GMCL1: variants seen among roughly 807,000 people sequenced by gnomAD.
The protein encoded by GMCL1 is germ cell-less protein-like 1.
Under a neutral mutation model 75.5 loss-of-function variants are expected in GMCL1, and 54 were observed. The ratio of observed to expected loss-of-function variants is 0.71; its 90% CI spans 0.57 to 0.90. The LOEUF (loss-of-function observed/expected upper bound fraction) is 0.90. GMCL1 is among the 40% of genes least tolerant of loss of function. GMCL1 has a pLI of 0.00. For synonymous variants in GMCL1, 210 were observed against 209.6 expected (o/e 1.00, Z -0.02); for missense variants, 537 against 622.7 (o/e 0.86, Z 1.47).
intron 11 of GMCL1, among the ~76,000 whole-genome samples, chr2:69,866,078 G>A (rs373318924): frequency 1.7e-4 from 26 of 152,176 alleles, no homozygotes; most frequent in African/African-American, 5.8e-4. Flanking sequence ...GTGAAACCCT[G>A]TCTCTACTAA....
rs1487240343 is a variant in GMCL1 at position 69,879,673 on chromosome 2, G to A, written c.*669G>A. Reference sequence around the variant, plus strand: ...ATTTTTTTTAATTTGACTTTCCTAGGAGTTTAAGAACAGTGAAAGTTAGCT... The same window carrying A: ...ATTTTTTTTAATTTGACTTTCCTAGAAGTTTAAGAACAGTGAAAGTTAGCT... On this transcript the variant is annotated 3_prime_UTR_variant, in exon 14 of 14. Coordinates refer to ENST00000282570, the MANE Select transcript of GMCL1 (RefSeq NM_178439.5). 1 of 151,946 alleles carries A rather than the reference G, an allele frequency of 6.6e-6. No individual in the cohort carries two copies. Among genetic ancestry groups the A allele is most frequent in the African/African-American group, 2.4e-5 (1 of 41,360 alleles). The allele number at this position is 151,946 out of a possible 1,614,324, so 9.4% of individuals were successfully genotyped here.
intron 1 of GMCL1, among the ~76,000 whole-genome samples, chr2:69,834,330 A>C (rs1051014985): frequency 1.3e-5 from 2 of 151,962 alleles, no homozygotes; most frequent in Non-Finnish European, 2.9e-5. Context: ...ACTTACTTTC[A>C]CCCCATCTCT....
At chr2:69,870,431 G>T (rs1190114193) in intron 12 of GMCL1, among the ~76,000 whole-genome samples, 2 of 152,086 alleles carry the variant, frequency 1.3e-5, no homozygotes, top group Non-Finnish European at 2.9e-5. Flanking sequence ...TAGGGGAAAA[G>T]CTTCATAACA....
chr2:69,856,830 T>A (rs1675483747), intron 9 of GMCL1, among the ~76,000 whole-genome samples: 1 of 152,010 alleles, frequency 6.6e-6, no homozygotes, highest in African/African-American at 2.4e-5. Flanking sequence ...CCCCTAATCA[T>A]TTCTTTGCAT....
rs1420867532 is a variant in GMCL1 at position 69,830,172 on chromosome 2, C to G, written c.260+20C>G. On this transcript the variant is annotated intron_variant, in intron 1 of 13. Coordinates refer to ENST00000282570, the MANE Select transcript of GMCL1 (RefSeq NM_178439.5). ...TCGAAGGTACGTGGGGGCACGCACC[C>G]GCGCGGACCCGGACCCGCACCTGTT... The G allele has an allele frequency of 6.5e-7, 1 of 1,547,432 alleles. No homozygotes were observed. The highest frequency in any genetic ancestry group is 1.4e-5 in the African/African-American group (1 of 73,238).
At chr2:69,859,176 A>C (rs1296894124) in intron 9 of GMCL1, among the ~76,000 whole-genome samples, 1 of 150,696 alleles carries the variant, frequency 6.6e-6, no homozygotes, top group Non-Finnish European at 1.5e-5. Flanking sequence ...AATTTATGGG[A>C]TACATCTAAC....
intron 7 of GMCL1, among the ~76,000 whole-genome samples, chr2:69,848,140 T>C (rs2103978911): frequency 6.6e-6 from 1 of 152,354 alleles, no homozygotes; most frequent in East Asian, 1.9e-4. Flanking sequence ...TTCTTCCATG[T>C]AGATAGTGAG....
chr2:69,854,739 A>G (rs1438211852), intron 8 of GMCL1, 84 bp from the exon 9 acceptor site: 6 of 1,065,146 alleles, frequency 5.6e-6, no homozygotes, highest in Non-Finnish European at 8.3e-6. Context: ...ATAGACATGA[A>G]TGTACGTATC....
intron 1 of GMCL1, among the ~76,000 whole-genome samples, chr2:69,834,095 T>C (rs1031343954): frequency 6.6e-6 from 1 of 152,228 alleles, no homozygotes; most frequent in Non-Finnish European, 1.5e-5. Context: ...TTTTATCTTA[T>C]TTGGACAGTG....
rs777582075 is a variant in GMCL1, at chr2:69,880,468, A to G, written c.*1464A>G. 7 of 152,166 alleles carry G rather than the reference A, an allele frequency of 4.6e-5. No homozygotes were observed. The highest frequency in any genetic ancestry group is 5.9e-5 in the Non-Finnish European group (4 of 68,030). 9.4% of individuals were successfully genotyped at this position (152,166 alleles called of 1,614,324 possible). ...GGTTTAACTTAAAGGAACCTTTTAA[A>G]TGCCTCACCCTTGACCCTCAGAGCT... On this transcript the variant is annotated 3_prime_UTR_variant, in exon 14 of 14. Coordinates refer to ENST00000282570, the MANE Select transcript of GMCL1 (RefSeq NM_178439.5).
At position 69,829,839 on chromosome 2, in the gene GMCL1, A is replaced by T. The variant is rs1674616177; in HGVS notation, c.-54A>T. The T allele has an allele frequency of 1.3e-6, 2 of 1,487,832 alleles. No homozygotes were observed. The highest frequency in any genetic ancestry group is 2.2e-4 in the Middle Eastern group (1 of 4,602). The allele number at this position is 1,487,832 out of a possible 1,614,324, so 92.2% of individuals were successfully genotyped here. On this transcript the variant is annotated 5_prime_UTR_variant, in exon 1 of 14. An upstream start codon of the reference 5' UTR is lost. Transcript: ENST00000282570. ...GAAGGCTGGCGGCGGCGGCCGAGCCATGGCGGGAGACCCCCTTCTCTGGGC... is the reference window on the plus strand; with the variant it reads ...GAAGGCTGGCGGCGGCGGCCGAGCCTTGGCGGGAGACCCCCTTCTCTGGGC...
intron 8 of GMCL1, 59 bp from the exon 9 acceptor site, chr2:69,854,764 A>G: frequency 6.9e-7 from 1 of 1,456,928 alleles, no homozygotes; most frequent in Non-Finnish European, 9.4e-7. Context: ...GTCCACAAAA[A>G]CATTTAAGAA....
intron 1 of GMCL1, among the ~76,000 whole-genome samples, chr2:69,836,500 A>G (rs1674821174): frequency 6.6e-6 from 1 of 152,164 alleles, no homozygotes; most frequent in African/African-American, 2.4e-5. Flanking sequence ...AGCAGCTGGG[A>G]CTCAAACCCA....
At position 69,841,049 on chromosome 2, in the gene GMCL1, C is replaced by T; in HGVS notation, c.579+10C>T. Reference sequence around the variant, plus strand: ...TTGTTTGCTGCAGTTGGTAAGTATGCACGTTATTCGAAGAAAGGTTCAGAA... The same window carrying T: ...TTGTTTGCTGCAGTTGGTAAGTATGTACGTTATTCGAAGAAAGGTTCAGAA... On this transcript the variant is annotated intron_variant, in intron 4 of 13. Coordinates refer to ENST00000282570, the MANE Select transcript of GMCL1 (RefSeq NM_178439.5). 6.3e-7 allele frequency: 1 copy of T among 1,591,650 alleles called. No homozygotes were observed. Among genetic ancestry groups the T allele is most frequent in the Non-Finnish European group, 8.6e-7 (1 of 1,159,882 alleles).
At position 69,869,512 on chromosome 2, in the gene GMCL1, G is replaced by C. The variant is rs1217146608; in HGVS notation, c.1219-207G>C. 5 of 466,990 alleles carry C rather than the reference G, an allele frequency of 1.1e-5. No homozygotes were observed. In the Middle Eastern group the frequency reaches 1.7e-3, roughly 155 times the overall value. The allele number at this position is 466,990 out of a possible 1,614,324, so 28.9% of individuals were successfully genotyped here. A position where few individuals can be genotyped will look rare whatever the true frequency, so the allele number is the denominator to read the frequency against. ...TGATCATGAAGAGGAAAGTAGCTTA[G>C]AGAATTATGATCATTAAGGGCAGCT... On this transcript the variant is annotated intron_variant, in intron 11 of 13. Transcript: ENST00000282570.
At chr2:69,856,837 G>A (rs1319197914) in intron 9 of GMCL1, among the ~76,000 whole-genome samples, 1 of 151,426 alleles carries the variant, frequency 6.6e-6, no homozygotes, top group East Asian at 1.9e-4. Flanking sequence ...TCATTTCTTT[G>A]CATTCATTTA....
chr2:69,859,432 C>T (rs1359337320), intron 9 of GMCL1, among the ~76,000 whole-genome samples: 3 of 151,690 alleles, frequency 2.0e-5, no homozygotes, highest in Non-Finnish European at 4.4e-5. Flanking sequence ...GTACTAGACA[C>T]TTAAATTCCT....
intron 6 of GMCL1, among the ~76,000 whole-genome samples, chr2:69,846,731 T>C (rs549206433): frequency 6.6e-6 from 1 of 152,322 alleles, no homozygotes; most frequent in African/African-American, 2.4e-5. Context: ...CTTGATCTTA[T>C]TGTCTTGAAT....
intron 9 of GMCL1, among the ~76,000 whole-genome samples, chr2:69,855,252 G>T (rs1431052658): frequency 6.6e-6 from 1 of 151,848 alleles, no homozygotes; most frequent in Non-Finnish European, 1.5e-5. Flanking sequence ...TTTTGGATGA[G>T]ACTTTTTAAA....
Sources: allele counts gnomAD v4.1 joint callset (sites outside exome capture counted in the v4.1 genomes callset), GRCh38; gene constraint gnomAD v4.1.1; transcripts MANE v1.5; gene names NCBI Gene and HGNC (gene_info 2026-07-23, HGNC 2026-07-21).